Variants in HHIPL1 observed in about 807,000 individuals in gnomAD.
The protein encoded by HHIPL1 is HHIP-like protein 1.
In HHIPL1, 43 loss-of-function variants were observed where a neutral mutation model predicts 61.8. The observed-to-expected ratio is 0.70, with a 90% confidence interval of 0.55 to 0.90. The LOEUF is 0.90. HHIPL1 is among the 40% of genes least tolerant of loss of function. The pLI, the probability that HHIPL1 is intolerant of heterozygous loss-of-function variation, is 0.00. For missense variants in HHIPL1, 1,056 were observed against 1,157.7 expected, an observed-to-expected ratio of 0.91 and a Z score of 1.28; for synonymous variants, 482 against 515.8, an observed-to-expected ratio of 0.93 and a Z score of 0.89.
In HHIPL1 at chr14:99,675,068, C is replaced by A; in HGVS notation, c.1814-23C>A. 1 of 1,132,412 alleles carries A rather than the reference C, an allele frequency of 8.8e-7. No individual in the cohort carries two copies. The highest frequency in any genetic ancestry group is 1.1e-6 in the Non-Finnish European group (1 of 911,978). The allele number at this position is 1,132,412 out of a possible 1,614,324, so 70.1% of individuals were successfully genotyped here. Reference sequence around the variant, plus strand: ...GACAGGGGCGCCTGGGTCCCTCTGACGGCATACTCTTCCTCTGCGCAGAGT... The same window carrying A: ...GACAGGGGCGCCTGGGTCCCTCTGAAGGCATACTCTTCCTCTGCGCAGAGT... On this transcript the variant is annotated intron_variant, in intron 8 of 8. Coordinates refer to ENST00000330710, the MANE Select transcript of HHIPL1 (RefSeq NM_001127258.3). This position sits in a 1 kb window ranked among gnomAD's most constrained non-coding sequence, Gnocchi z 5.4.
intron 2 of HHIPL1, among the ~76,000 whole-genome samples, chr14:99,653,835 T>G (rs745723242): frequency 1.4e-4 from 22 of 152,236 alleles, no homozygotes; most frequent in Non-Finnish European, 2.6e-4. Flanking sequence ...AAATAAACCC[T>G]GTAACAGGTA....
At chr14:99,637,256 G>GAAAGAAAT in the HHIPL1 span, among the ~76,000 whole-genome samples, 1 of 142,920 alleles carries the variant, frequency 7.0e-6, no homozygotes, top group Non-Finnish European at 1.6e-5. Flanking sequence ...AAGAAAGAAA[G>GAAAGAAAT]AAAGAAAGAA....
At chr14:99,636,426 A>C in the HHIPL1 span, among the ~76,000 whole-genome samples, 1 of 152,318 alleles carries the variant, frequency 6.6e-6, no homozygotes, top group South Asian at 2.1e-4. Flanking sequence ...TGGGTCTTTA[A>C]TAAATGCCCA....
At chr14:99,617,536 G>C in the HHIPL1 span, among the ~76,000 whole-genome samples, 1 of 152,138 alleles carries the variant, frequency 6.6e-6, no homozygotes. Flanking sequence ...GAAAGGGAGG[G>C]GAATCGGGGA....
intron 1 of HHIPL1, among the ~76,000 whole-genome samples, chr14:99,650,202 G>A (rs2055903120): frequency 6.6e-6 from 1 of 152,190 alleles, no homozygotes; most frequent in South Asian, 2.1e-4. Flanking sequence ...AGAACACCCC[G>A]GGAGGCAGCC....
intron 8 of HHIPL1, among the ~76,000 whole-genome samples, chr14:99,673,185 G>C (rs1431736956): frequency 6.6e-6 from 1 of 152,108 alleles, no homozygotes; most frequent in Non-Finnish European, 1.5e-5. Flanking sequence ...GGCAAGAAGA[G>C]AGGGAGGCTA....
At chr14:99,616,491 C>T in the HHIPL1 span, among the ~76,000 whole-genome samples, 2 of 152,168 alleles carry the variant, frequency 1.3e-5, no homozygotes, top group African/African-American at 2.4e-5. Context: ...GAAGCCTCCT[C>T]ATCCGTAAGA....
the HHIPL1 span, among the ~76,000 whole-genome samples, chr14:99,631,069 TTTC>T: frequency 1.4e-5 from 2 of 143,006 alleles, no homozygotes; most frequent in Non-Finnish European, 3.0e-5. Flanking sequence ...TCTTTCTTTC[TTTC>T]TTTCTTTCTT....
the HHIPL1 span, among the ~76,000 whole-genome samples, chr14:99,613,322 T>G: frequency 5.3e-5 from 8 of 151,654 alleles, no homozygotes; most frequent in Admixed American, 5.3e-4. Flanking sequence ...ATACATGTGG[T>G]TTTTTTTAAT....
At chr14:99,631,102 TTC>T in the HHIPL1 span, among the ~76,000 whole-genome samples, 1 of 128,590 alleles carries the variant, frequency 7.8e-6, no homozygotes, top group Admixed American at 7.6e-5. Flanking sequence ...CTTTCTTTCT[TTC>T]TTTCTCTCTC....
upstream of HHIPL1, chr14:99,645,041 C>T (rs1039067305): frequency 5.7e-6 from 3 of 527,594 alleles, no homozygotes; most frequent in African/African-American, 4.0e-5. Context: ...TCCTTCAGTC[C>T]CGCCGAGTGT....
the HHIPL1 span, among the ~76,000 whole-genome samples, chr14:99,623,303 A>C: frequency 6.6e-6 from 1 of 152,230 alleles, no homozygotes; most frequent in African/African-American, 2.4e-5. Context: ...ACAATTCCTT[A>C]AGGTATGAGT....
the HHIPL1 span, among the ~76,000 whole-genome samples, chr14:99,626,438 C>T: frequency 5.3e-5 from 8 of 152,184 alleles, no homozygotes; most frequent in African/African-American, 1.4e-4. Context: ...GAAACTGCTC[C>T]GGACCCATTC....
intron 1 of HHIPL1, among the ~76,000 whole-genome samples, chr14:99,648,638 T>G (rs921937007): frequency 6.6e-6 from 1 of 151,852 alleles, no homozygotes; most frequent in Non-Finnish European, 1.5e-5. Flanking sequence ...TTCAATGGAG[T>G]GAGTGTCGTG....
chr14:99,604,886 C>G, the HHIPL1 span, among the ~76,000 whole-genome samples: 3 of 152,130 alleles, frequency 2.0e-5, no homozygotes, highest in Non-Finnish European at 2.9e-5. Context: ...TTGTCCCCTT[C>G]CCTGCCCCCA....
chr14:99,633,893 G>A, the HHIPL1 span, among the ~76,000 whole-genome samples: 1,455 of 152,358 alleles, frequency 9.5e-3, 18 homozygotes, highest in Non-Finnish European at 0.016. Flanking sequence ...TCTCTCCCCC[G>A]TGTCCGGGAC....
chr14:99,666,268 C>T (rs998599731), intron 6 of HHIPL1, among the ~76,000 whole-genome samples: 2 of 152,152 alleles, frequency 1.3e-5, no homozygotes, highest in African/African-American at 4.8e-5. Flanking sequence ...GGAGGACAGG[C>T]GAAGGTCAGA....
At chr14:99,674,031 G>T (rs151024343) in intron 8 of HHIPL1, among the ~76,000 whole-genome samples, 3,703 of 151,876 alleles carry the variant, frequency 0.024, 68 homozygotes, top group Non-Finnish European at 0.034. Flanking sequence ...GGAGGTGGGG[G>T]CCAGGGGCCA....
At chr14:99,621,552 G>A in the HHIPL1 span, among the ~76,000 whole-genome samples, 18 of 152,014 alleles carry the variant, frequency 1.2e-4, no homozygotes, top group African/African-American at 3.9e-4. Context: ...CCTGGTGCAG[G>A]GGCACTGGCT....
Sources: allele counts gnomAD v4.1 joint callset (sites outside exome capture counted in the v4.1 genomes callset), GRCh38; gene constraint gnomAD v4.1.1; non-coding constraint Gnocchi (gnomAD v3.1); transcripts MANE v1.5; gene names NCBI Gene and HGNC (gene_info 2026-07-23, HGNC 2026-07-21).